The following TSPAN15 variants were observed in gnomAD, a reference collection of about 807,000 sequenced individuals.
TSPAN15 encodes tetraspanin 15, also known as tetraspanin-15.
TSPAN15 carries 20 observed loss-of-function variants against 34.5 expected under a neutral mutation model. The observed-to-expected ratio is 0.58, with a 90% CI of 0.41 to 0.84. The LOEUF is 0.84. Among genes scored for constraint, TSPAN15 ranks in the 40% least tolerant of loss-of-function variants. The pLI is 0.00. For missense variants in TSPAN15, 313 were observed against 386.1 expected (o/e 0.81, Z 1.59); for synonymous variants, 155 against 153.9 (o/e 1.01, Z -0.05).
intron 6 of TSPAN15, among the ~76,000 whole-genome samples, chr10:69,505,752 G>A (rs145541580): frequency 3.7e-4 from 56 of 152,196 alleles, no homozygotes; most frequent in African/African-American, 1.2e-3. Flanking sequence ...TATTGGCTTG[G>A]ATAATTATAA....
the TSPAN15 span, among the ~76,000 whole-genome samples, chr10:69,539,261 G>A: frequency 6.6e-6 from 1 of 151,800 alleles, no homozygotes; most frequent in Non-Finnish European, 1.5e-5. Flanking sequence ...AAGGGTGGGA[G>A]GGGAGTGAGG....
At position 69,464,952 on chromosome 10, in the gene TSPAN15, G is replaced by A. The variant is rs548493743; in HGVS notation, c.96+13262G>A. ...AGAGAAGGGAAGAATGTTCTCTGCA[G>A]GGTCAGAACCCAGGCTGGGGGAACC... On this transcript the variant is annotated intron_variant, in intron 1 of 7. Transcript: ENST00000373290. Among the ~76,000 whole-genome samples, 19 of 152,364 alleles carry A rather than the reference G, an allele frequency of 1.2e-4. No individual in the cohort carries two copies. The East Asian group carries it at 3.7e-3, about 29-fold the overall frequency.
intron 1 of TSPAN15, among the ~76,000 whole-genome samples, chr10:69,455,574 T>C (rs1319602273): frequency 2.6e-5 from 3 of 113,844 alleles, no homozygotes; most frequent in African/African-American, 1.1e-4. Flanking sequence ...TTTCTTTCTC[T>C]TTTCTTTCTT....
intron 3 of TSPAN15, 114 bp downstream of exon 3, chr10:69,485,329 CATTCTGCTGAA>C: frequency 2.3e-6 from 2 of 883,992 alleles, no homozygotes; most frequent in South Asian, 2.7e-5. Flanking sequence ...ATGGAGCTTT[CATTCTGCTGAA>C]AGAGAATGAC....
downstream of TSPAN15, among the ~76,000 whole-genome samples, chr10:69,510,437 CTT>C (rs1842402996): frequency 6.6e-6 from 1 of 152,212 alleles, no homozygotes; most frequent in Non-Finnish European, 1.5e-5. Context: ...TATCCTGAGA[CTT>C]TGCTGAAGTT....
chr10:69,502,086 A>AG (rs1311818959), intron 5 of TSPAN15, among the ~76,000 whole-genome samples: 1 of 152,134 alleles, frequency 6.6e-6, no homozygotes, highest in African/African-American at 2.4e-5. Flanking sequence ...CAAAAGGAAA[A>AG]GGGAGACATG....
chr10:69,537,151 A>G, the TSPAN15 span, among the ~76,000 whole-genome samples: 1 of 152,092 alleles, frequency 6.6e-6, no homozygotes, highest in Non-Finnish European at 1.5e-5. Flanking sequence ...TGGGAATTCA[A>G]TCCATAACAG....
At chr10:69,527,455 C>T in the TSPAN15 span, among the ~76,000 whole-genome samples, 2 of 146,748 alleles carry the variant, frequency 1.4e-5, no homozygotes, top group South Asian at 4.3e-4. Context: ...ATTAGCTGGG[C>T]GTGGTGGTGC....
At chr10:69,485,031 C>A in intron 2 of TSPAN15, 110 bp from the exon 3 acceptor site, 1 of 1,071,320 alleles carries the variant, frequency 9.3e-7, no homozygotes, top group Non-Finnish European at 1.4e-6. Context: ...TAGGAGCTCC[C>A]CGAGGGATGC....
chr10:69,499,009 G>A (rs915804960), intron 5 of TSPAN15, among the ~76,000 whole-genome samples: 1 of 152,198 alleles, frequency 6.6e-6, no homozygotes, highest in Non-Finnish European at 1.5e-5. Flanking sequence ...GTGCTTGGAA[G>A]GGGGTCTGGT....
chr10:69,520,272 G>T, the TSPAN15 span, among the ~76,000 whole-genome samples: 7 of 152,134 alleles, frequency 4.6e-5, no homozygotes, highest in East Asian at 1.3e-3. Context: ...CACAATATTT[G>T]TCCTTTTATG....
At chr10:69,498,871 G>C (rs915310489) in intron 5 of TSPAN15, among the ~76,000 whole-genome samples, 15 of 152,142 alleles carry the variant, frequency 9.9e-5, no homozygotes, top group Non-Finnish European at 2.9e-5. Flanking sequence ...GGAGGGAGAG[G>C]TGCCCAGGCC....
intron 1 of TSPAN15, among the ~76,000 whole-genome samples, chr10:69,473,238 T>C (rs900118860): frequency 2.0e-5 from 3 of 152,158 alleles, no homozygotes; most frequent in African/African-American, 7.2e-5. Flanking sequence ...TGGCTCGCTA[T>C]AGCCTTGATC....
chr10:69,539,539 G>C, the TSPAN15 span, among the ~76,000 whole-genome samples: 6 of 42,724 alleles, frequency 1.4e-4, no homozygotes, highest in African/African-American at 5.1e-4. Flanking sequence ...GAAGAAGAAG[G>C]AGAAGGAGAA....
At chr10:69,465,700 C>T (rs931886799) in intron 1 of TSPAN15, among the ~76,000 whole-genome samples, 3 of 151,218 alleles carry the variant, frequency 2.0e-5, no homozygotes, top group African/African-American at 4.9e-5. Flanking sequence ...TGTGAAGCCT[C>T]TCTCTCTCGG....
downstream of TSPAN15, among the ~76,000 whole-genome samples, chr10:69,509,032 T>C (rs1026428674): frequency 2.6e-5 from 4 of 152,208 alleles, no homozygotes; most frequent in Non-Finnish European, 5.9e-5. Flanking sequence ...CTGGAGGCCT[T>C]GTAGTCCTGG....
the TSPAN15 span, chr10:69,523,720 A>G: frequency 2.2e-5 from 4 of 178,240 alleles, no homozygotes; most frequent in East Asian, 9.1e-4. Flanking sequence ...TTGGCCATAA[A>G]TAAGTTTTAT....
intron 3 of TSPAN15, chr10:69,495,113 G>A (rs533861132): frequency 1.5e-4 from 23 of 157,840 alleles, no homozygotes; most frequent in Non-Finnish European, 2.6e-4. Context: ...CCCAAGTCTC[G>A]AGCTCCTCAT....
At chr10:69,470,670 C>T (rs1016833600) in intron 1 of TSPAN15, among the ~76,000 whole-genome samples, 1 of 152,156 alleles carries the variant, frequency 6.6e-6, no homozygotes, top group African/African-American at 2.4e-5. Flanking sequence ...GAGGATTGCT[C>T]AAGCCCAGGA....
Sources: allele counts gnomAD v4.1 joint callset (sites outside exome capture counted in the v4.1 genomes callset), GRCh38; gene constraint gnomAD v4.1.1; transcripts MANE v1.5; gene names NCBI Gene and HGNC (gene_info 2026-07-23, HGNC 2026-07-21).